The following LRP5 variants were observed in gnomAD, a reference collection of about 807,000 sequenced individuals.
LRP5 encodes LDL receptor related protein 5, also known as low-density lipoprotein receptor-related protein 5.
LRP5 carries 62 observed loss-of-function variants against 154.1 expected under a neutral mutation model. The observed-to-expected ratio is 0.40, with a 90% CI of 0.33 to 0.50. The LOEUF (loss-of-function observed/expected upper bound fraction) is 0.50. Ranked by LOEUF, LRP5 falls within the 20% of genes least tolerant of loss-of-function variation. LRP5 has a pLI of 0.55. For synonymous variants in LRP5, 966 were observed against 1,011.5 expected (o/e 0.96, Z 0.85); for missense variants, 1,915 against 2,336.7 (o/e 0.82, Z 3.72).
intron 18 of LRP5, 57 bp downstream of exon 18, chr11:68,433,895 G>C: frequency 6.5e-7 from 1 of 1,534,360 alleles, no homozygotes; most frequent in Non-Finnish European, 8.9e-7. Flanking sequence ...TCCGGGATAC[G>C]AGCTTGGGGC....
chr11:68,405,620 T>G (rs775801828), intron 8 of LRP5, among the ~76,000 whole-genome samples: 11 of 152,280 alleles, frequency 7.2e-5, no homozygotes, highest in Non-Finnish European at 1.2e-4. Flanking sequence ...AAATTGGGCT[T>G]CTTCCCCCTC....
chr11:68,319,162 T>C (rs2098595295), intron 1 of LRP5, among the ~76,000 whole-genome samples: 1 of 150,838 alleles, frequency 6.6e-6, no homozygotes, highest in Admixed American at 6.6e-5. Flanking sequence ...CTGTAACTTC[T>C]GCCACCCTGG....
rs182294762 is a variant in LRP5 at position 68,423,104 on chromosome 11, A to G, written c.3028-385A>G. On this transcript the variant is annotated intron_variant, in intron 13 of 22. Transcript: ENST00000294304. This position sits in a 1 kb window ranked among gnomAD's most constrained non-coding sequence, Gnocchi z 4.7. The stretch of plus-strand genomic sequence containing the variant: ...GTCTTGGATCCCTTCTCGACTGTCA[A>G]TGGGGCCTTCATGGGAGCGCCAGTC... 3.0e-4 allele frequency among the ~76,000 whole-genome samples: 45 copies of G among 152,248 alleles called. No homozygotes were observed. Among genetic ancestry groups the G allele is most frequent in the African/African-American group, 7.5e-4 (31 of 41,550 alleles).
At chr11:68,303,633 A>G in the LRP5 span, among the ~76,000 whole-genome samples, 2 of 152,182 alleles carry the variant, frequency 1.3e-5, no homozygotes, top group Non-Finnish European at 2.9e-5. Context: ...AGCTGGGACT[A>G]CAGGTCTGCG....
At position 68,429,622 on chromosome 11, in the gene LRP5, A is replaced by AT; in HGVS notation, c.3687dup (p.Ala1230CysfsTer4). The AT allele has an allele frequency of 6.2e-7, 1 of 1,614,098 alleles. No homozygotes were observed. ...CAATGGTGGCTGCTCCCACATCTGT[A>AT]TTGCCAAGGGTGATGGGACACCACG... On this transcript the variant is annotated frameshift_variant, in exon 17 of 23. Transcript: ENST00000294304. LOFTEE classifies it high-confidence loss of function.
At position 68,386,746 on chromosome 11, in the gene LRP5, G is replaced by A; in HGVS notation, c.1412+34G>A. ...GGCGGGGGCTGGGGCCTGGAGCCAG[G>A]GCCAGGCCAAGCACAGGCGAGAGGG... On this transcript the variant is annotated intron_variant, in intron 6 of 22. Coordinates refer to ENST00000294304, the MANE Select transcript of LRP5 (RefSeq NM_002335.4). The surrounding 1 kb of genome is among the most constrained non-coding windows in gnomAD (Gnocchi z 7.9). 6.2e-7 allele frequency: 1 copy of A among 1,602,438 alleles called. No homozygotes were observed. The highest frequency in any genetic ancestry group is 8.5e-7 in the Non-Finnish European group (1 of 1,174,206).
intron 21 of LRP5, among the ~76,000 whole-genome samples, chr11:68,443,544 C>CACATATATAT (rs1418195798): frequency 1.8e-4 from 4 of 22,320 alleles, no homozygotes; most frequent in Non-Finnish European, 2.4e-4. Context: ...TCTTTTATGG[C>CACATATATAT]ATATATATAT....
chr11:68,346,433 AC>A (rs1467179198), intron 1 of LRP5, among the ~76,000 whole-genome samples: 1 of 151,954 alleles, frequency 6.6e-6, no homozygotes, highest in Non-Finnish European at 1.5e-5. Context: ...GGAACCATCT[AC>A]CCCACTGCGC....
At chr11:68,374,716 T>G (rs1335984156) in intron 5 of LRP5, among the ~76,000 whole-genome samples, 5 of 152,146 alleles carry the variant, frequency 3.3e-5, no homozygotes, top group African/African-American at 1.2e-4. Context: ...CTGACTTCTA[T>G]CACCTTGGAT....
At chr11:68,308,957 T>C (rs1178244451), upstream of LRP5, among the ~76,000 whole-genome samples, 1 of 119,974 alleles carries the variant, frequency 8.3e-6, no homozygotes, top group Admixed American at 9.9e-5. Flanking sequence ...TGAGACGGAG[T>C]CTAACTCTGT....
intron 1 of LRP5, among the ~76,000 whole-genome samples, chr11:68,316,190 C>T (rs930210016): frequency 1.3e-5 from 2 of 152,124 alleles, no homozygotes; most frequent in African/African-American, 4.8e-5. Context: ...GGGAATCTTA[C>T]AATGCGTCTT....
chr11:68,425,076 G>C lies in LRP5; in HGVS notation c.3237-26G>C, dbSNP rs372565037. ...CCGAGGAGACGCCATCCCCACACCC[G>C]TCCTTCACCCGCCACCCTCCCGCAG... On this transcript the variant is annotated intron_variant, in intron 14 of 22. Coordinates refer to ENST00000294304, the MANE Select transcript of LRP5 (RefSeq NM_002335.4). 1.9e-6 allele frequency: 3 copies of C among 1,609,910 alleles called. No homozygotes were observed. The Admixed American group carries it at 5.0e-5, about 27-fold the overall frequency.
intron 2 of LRP5, 82 bp from the exon 3 acceptor site, chr11:68,357,565 CTGT>C (rs2098624145): frequency 3.2e-6 from 4 of 1,264,966 alleles, no homozygotes; most frequent in African/African-American, 1.5e-5. Context: ...AGTTCACTGT[CTGT>C]TGTTTCATGT....
chr11:68,396,328 T>G (rs2098649330), intron 7 of LRP5, among the ~76,000 whole-genome samples: 1 of 152,114 alleles, frequency 6.6e-6, no homozygotes, highest in Non-Finnish European at 1.5e-5. Flanking sequence ...TGGACGTGTT[T>G]TGCCGCTCAC....
At chr11:68,346,727 G>T (rs2098613281) in intron 1 of LRP5, among the ~76,000 whole-genome samples, 2 of 152,160 alleles carry the variant, frequency 1.3e-5, no homozygotes, top group African/African-American at 2.4e-5. Context: ...GTTTTTTGGG[G>T]GTGTTTGTGG....
intron 15 of LRP5, 37 bp downstream of exon 15, chr11:68,425,329 C>A: frequency 6.3e-7 from 1 of 1,578,692 alleles, no homozygotes; most frequent in East Asian, 2.3e-5. Flanking sequence ...CGCAGACACC[C>A]GGCCTTCATT....
At chr11:68,390,153 T>C (rs2098645506) in intron 7 of LRP5, 101 bp downstream of exon 7, 2 of 1,416,276 alleles carry the variant, frequency 1.4e-6, no homozygotes, top group South Asian at 2.4e-5. Flanking sequence ...GCCTGTGCTC[T>C]GCTATTTGGC....
At chr11:68,399,849 G>A (rs1296677932) in intron 7 of LRP5, among the ~76,000 whole-genome samples, 1 of 152,238 alleles carries the variant, frequency 6.6e-6, no homozygotes, top group African/African-American at 2.4e-5. Context: ...TCCTCAGAAG[G>A]CCACTTTGGG....
intron 2 of LRP5, among the ~76,000 whole-genome samples, chr11:68,354,386 G>A (rs923767401): frequency 4.6e-5 from 7 of 152,192 alleles, no homozygotes; most frequent in South Asian, 2.1e-4. Flanking sequence ...TGCTCCATGC[G>A]GAGGCTCCTG....
Sources: gnomAD v4.1 joint callset for allele counts (sites outside exome capture counted in the v4.1 genomes callset) on GRCh38, gnomAD v4.1.1 for gene constraint, Gnocchi (gnomAD v3.1) non-coding constraint, MANE v1.5 for transcripts, NCBI Gene and HGNC (gene_info 2026-07-23, HGNC 2026-07-21) for gene names.